Variants in KHDC1 observed in about 807,000 individuals in gnomAD.
The protein encoded by KHDC1 is KH homology domain-containing protein 1.
A neutral mutation model predicts 24.7 loss-of-function variants in KHDC1; 21 were observed. The ratio of observed to expected loss-of-function variants is 0.85; its 90% CI spans 0.60 to 1.23. KHDC1 has a LOEUF of 1.23. Ranked by LOEUF, KHDC1 falls within the 50% of genes most tolerant of loss-of-function variation. The probability of loss-of-function intolerance (pLI) is 0.00; values close to 1 mark genes in which losing one functional copy is unlikely to be tolerated. For missense variants in KHDC1, 274 were observed against 298.5 expected, an observed-to-expected ratio of 0.92 and a Z score of 0.61; for synonymous variants, 98 against 111.7, an observed-to-expected ratio of 0.88 and a Z score of 0.77.
At chr6:73,252,113 G>T (rs1274072340) in intron 2 of KHDC1, among the ~76,000 whole-genome samples, 1 of 151,346 alleles carries the variant, frequency 6.6e-6, no homozygotes, top group African/African-American at 2.4e-5. Flanking sequence ...TGCAATCAGG[G>T]CTCACTGCAA....
intron 2 of KHDC1, among the ~76,000 whole-genome samples, chr6:73,280,458 A>C (rs1340897230): frequency 6.6e-6 from 1 of 151,576 alleles, no homozygotes; most frequent in Non-Finnish European, 1.5e-5. Flanking sequence ...CCAACATGCC[A>C]AGCCAAACAT....
intron 1 of KHDC1, among the ~76,000 whole-genome samples, chr6:73,298,663 C>T (rs1767808382): frequency 6.6e-6 from 1 of 151,668 alleles, no homozygotes; most frequent in South Asian, 2.1e-4. Flanking sequence ...GATCACCTGA[C>T]CTCAGGTGAC....
intron 2 of KHDC1, among the ~76,000 whole-genome samples, chr6:73,263,682 C>T (rs1183945898): frequency 6.6e-6 from 1 of 152,104 alleles, no homozygotes; most frequent in East Asian, 1.9e-4. Flanking sequence ...GTGGATGCCT[C>T]CTGTCACGCA....
At chr6:73,280,335 T>C (rs1004802855) in intron 2 of KHDC1, among the ~76,000 whole-genome samples, 1 of 151,538 alleles carries the variant, frequency 6.6e-6, no homozygotes, top group African/African-American at 2.4e-5. Context: ...TGTTTGTATT[T>C]TATTTTTTGT....
intron 2 of KHDC1, among the ~76,000 whole-genome samples, chr6:73,259,305 T>TTTTTTTTTTTTTTTTTTTTTTTTA (rs1766937489): frequency 6.9e-6 from 1 of 144,524 alleles, no homozygotes; most frequent in Non-Finnish European, 1.5e-5. Context: ...TTTTTTTTTT[T>TTTTTTTTTTTTTTTTTTTTTTTTA]GAGACGGAGT....
chr6:73,251,906 T>C (rs2150557465), intron 2 of KHDC1, among the ~76,000 whole-genome samples: 1 of 151,300 alleles, frequency 6.6e-6, no homozygotes, highest in East Asian at 2.0e-4. Context: ...CATTCGATCC[T>C]CCCATTTCAG....
chr6:73,303,252 G>T (rs1767907900), intron 1 of KHDC1, among the ~76,000 whole-genome samples: 1 of 152,054 alleles, frequency 6.6e-6, no homozygotes, highest in African/African-American at 2.4e-5. Context: ...GGTTACAAGA[G>T]ATTTGGGGGT....
rs34114549 is a variant in KHDC1 at position 73,278,178 on chromosome 6, ATT to A, written c.206+13818_206+13819del. Among the ~76,000 whole-genome samples, 475 of 131,442 alleles carry A rather than the reference ATT, an allele frequency of 3.6e-3. 3 individuals are homozygous for A. Among genetic ancestry groups the A allele is most frequent in the African/African-American group, 0.012 (413 of 35,046 alleles). The allele number at this position is 131,442 out of a possible 152,430, so 86.2% of individuals were successfully genotyped here. A position where few individuals can be genotyped will look rare whatever the true frequency, so the allele number is the denominator to read the frequency against. On this transcript the variant is annotated intron_variant, in intron 2 of 4. Transcript: ENST00000370384. ...AAGCACAAGCCACCACGCCTGGCCA[ATT>A]TTTTTTTTTTTTTTTTGTACTTTTA...
At chr6:73,305,304 T>A (rs1481545492) in intron 1 of KHDC1, among the ~76,000 whole-genome samples, 1 of 149,554 alleles carries the variant, frequency 6.7e-6, no homozygotes, top group Non-Finnish European at 1.5e-5. Context: ...TTTGAAGTCA[T>A]GGAATTCGCC....
intron 1 of KHDC1, among the ~76,000 whole-genome samples, chr6:73,301,599 G>A (rs1375744161): frequency 6.6e-6 from 1 of 152,084 alleles, no homozygotes; most frequent in East Asian, 1.9e-4. Context: ...ACTTAATTCT[G>A]TGCTATATGT....
chr6:73,273,635 T>C (rs1014777103), intron 2 of KHDC1, among the ~76,000 whole-genome samples: 7 of 150,054 alleles, frequency 4.7e-5, no homozygotes, highest in Non-Finnish European at 1.0e-4. Context: ...GCTAACACGG[T>C]GAAACCCCGT....
intron 1 of KHDC1, chr6:73,300,791 A>G (rs969670505): frequency 2.6e-5 from 4 of 152,222 alleles, no homozygotes; most frequent in African/African-American, 9.6e-5. Flanking sequence ...ATTTAGGCCA[A>G]TGGAAAATCC....
At chr6:73,255,968 C>G (rs985240038) in intron 2 of KHDC1, among the ~76,000 whole-genome samples, 11 of 150,752 alleles carry the variant, frequency 7.3e-5, no homozygotes, top group African/African-American at 2.4e-4. Flanking sequence ...TACAGACTTG[C>G]AGAGCCATGA....
At chr6:73,307,356 C>T (rs1212416207) in intron 1 of KHDC1, among the ~76,000 whole-genome samples, 9 of 151,998 alleles carry the variant, frequency 5.9e-5, no homozygotes, top group Non-Finnish European at 1.2e-4. Context: ...ACCCGGGAGG[C>T]GGAGGTTGCA....
intron 1 of KHDC1, among the ~76,000 whole-genome samples, chr6:73,298,547 T>G (rs1053798893): frequency 6.9e-6 from 1 of 145,664 alleles, no homozygotes; most frequent in Non-Finnish European, 1.5e-5. Flanking sequence ...GCAATTCTCC[T>G]GCCTCAGCCT....
intron 2 of KHDC1, among the ~76,000 whole-genome samples, chr6:73,267,577 T>A (rs1240231710): frequency 6.6e-6 from 1 of 152,218 alleles, no homozygotes; most frequent in Non-Finnish European, 1.5e-5. Context: ...GGTAGGAATA[T>A]AAAATGGTGC....
intron 1 of KHDC1, among the ~76,000 whole-genome samples, chr6:73,296,875 C>T (rs898669990): frequency 3.3e-5 from 5 of 152,178 alleles, no homozygotes; most frequent in South Asian, 2.1e-4. Context: ...AACTATTCTA[C>T]GCAAACACAA....
At chr6:73,292,603 C>T (rs1478563049) in intron 1 of KHDC1, 7 of 761,324 alleles carry the variant, frequency 9.2e-6, no homozygotes, top group South Asian at 4.1e-5. Flanking sequence ...GAGCATGGCT[C>T]GTTCACTGGT....
intron 2 of KHDC1, among the ~76,000 whole-genome samples, chr6:73,288,820 AAAAAG>A (rs1343748354): frequency 2.6e-5 from 4 of 151,518 alleles, no homozygotes; most frequent in East Asian, 1.9e-4. Flanking sequence ...AAAAAAAAAA[AAAAAG>A]GTAATTACTG....
Sources: allele counts gnomAD v4.1 joint callset (sites outside exome capture counted in the v4.1 genomes callset), GRCh38; gene constraint gnomAD v4.1.1; transcripts MANE v1.5; gene names NCBI Gene and HGNC (gene_info 2026-07-23, HGNC 2026-07-21).